The following CAMTA1 variants were observed in gnomAD, a reference collection of about 807,000 sequenced individuals.
CAMTA1 encodes calmodulin-binding transcription activator 1.
Under a neutral mutation model 170.9 loss-of-function variants are expected in CAMTA1, and 27 were observed. The ratio of observed to expected loss-of-function variants is 0.16; its 90% confidence interval spans 0.12 to 0.22. CAMTA1 has a LOEUF of 0.22. Ranked by LOEUF, CAMTA1 falls within the 10% of genes least tolerant of loss-of-function variation. The pLI, the probability that CAMTA1 is intolerant of heterozygous loss-of-function variation, is 1.00. For synonymous variants in CAMTA1, 833 were observed against 891.5 expected (o/e 0.93, Z 1.17); for missense variants, 1,619 against 2,217.2 (o/e 0.73, Z 5.42).
In CAMTA1 at chr1:7,534,686, G is replaced by A. The variant is rs1311437813; in HGVS notation, c.510+66785G>A. ...GGACGTTCGGGCCGAGGGGAGCTGAGGCCACGGCGGGGACTCCTCACTCCT... is the reference window on the plus strand; with the variant it reads ...GGACGTTCGGGCCGAGGGGAGCTGAAGCCACGGCGGGGACTCCTCACTCCT... On this transcript the variant is annotated intron_variant, in intron 6 of 22. Coordinates refer to ENST00000303635, the MANE Select transcript of CAMTA1 (RefSeq NM_015215.4). The surrounding 1 kb of genome is among the most constrained non-coding windows in gnomAD (Gnocchi z 5.6). 1.3e-5 allele frequency among the ~76,000 whole-genome samples: 2 copies of A among 152,184 alleles called. No homozygotes were observed. Among genetic ancestry groups the A allele is most frequent in the African/African-American group, 2.4e-5 (1 of 41,458 alleles).
Position 6,965,613 on chromosome 1 carries a change from G to A in CAMTA1, c.235-125691G>A, listed in dbSNP as rs978841513. Among the ~76,000 whole-genome samples, 3 of 152,232 alleles carry A rather than the reference G, an allele frequency of 2.0e-5. No homozygotes were observed. In the East Asian group the frequency reaches 5.8e-4, roughly 29 times the overall value. ...CTAAAGGAAAAAAAATGGACGTGCC[G>A]CCTGTTAGCTAATCAACAGTGAGGA... On this transcript the variant is annotated intron_variant, in intron 3 of 22. Coordinates refer to ENST00000303635, the MANE Select transcript of CAMTA1 (RefSeq NM_015215.4). This position sits in a 1 kb window ranked among gnomAD's most constrained non-coding sequence, Gnocchi z 4.1.
rs1201034950 is a variant in CAMTA1, at chr1:7,613,778, G to A, written c.511-26622G>A. Among the ~76,000 whole-genome samples, 7 of 150,834 alleles carry A rather than the reference G, an allele frequency of 4.6e-5. 1 individual carries two copies. The highest frequency in any genetic ancestry group is 1.7e-4 in the African/African-American group (7 of 40,926). On this transcript the variant is annotated intron_variant, in intron 6 of 22. Coordinates refer to ENST00000303635, the MANE Select transcript of CAMTA1 (RefSeq NM_015215.4). ...TAGGGGGAGCAGGCGGGACCTGGAG[G>A]GGTGGGTGGGAGCAGAGCGATGGGT...
At chr1:6,932,309 A>C (rs1571834939) in intron 3 of CAMTA1, among the ~76,000 whole-genome samples, 1 of 152,158 alleles carries the variant, frequency 6.6e-6, no homozygotes, top group South Asian at 2.1e-4. Context: ...GGCTCCTTTC[A>C]GCATAATTAT....
At position 7,420,312 on chromosome 1, in the gene CAMTA1, C is replaced by T. The variant is rs552499705; in HGVS notation, c.439-47518C>T. Reference sequence around the variant, plus strand: ...CGGAGAGACCTTTCCAGACCTGCTGCCCAGTGCCCTGCTCCTTGCTCTGTC... The same window carrying T: ...CGGAGAGACCTTTCCAGACCTGCTGTCCAGTGCCCTGCTCCTTGCTCTGTC... On this transcript the variant is annotated intron_variant, in intron 5 of 22. Coordinates refer to ENST00000303635, the MANE Select transcript of CAMTA1 (RefSeq NM_015215.4). 2.4e-4 allele frequency among the ~76,000 whole-genome samples: 36 copies of T among 152,260 alleles called. 1 individual carries two copies. Among genetic ancestry groups the T allele is most frequent in the Admixed American group, 2.1e-3 (32 of 15,308 alleles).
chr1:7,377,529 A>G (rs1465532231), intron 5 of CAMTA1, among the ~76,000 whole-genome samples: 1 of 152,204 alleles, frequency 6.6e-6, no homozygotes, highest in Non-Finnish European at 1.5e-5. Flanking sequence ...AAAAAGTCCG[A>G]GGTTTCGCTC....
rs908647297 is a variant in CAMTA1, at chr1:7,633,296, G to A, written c.511-7104G>A. ...CAGGGCCCTGGGAGTCTGGAACTGG[G>A]GAGGTCAGCAGCTCCAAATGCATTT... On this transcript the variant is annotated intron_variant, in intron 6 of 22. Transcript: ENST00000303635. The surrounding 1 kb of genome is among the most constrained non-coding windows in gnomAD (Gnocchi z 4.1). 4.6e-5 allele frequency among the ~76,000 whole-genome samples: 7 copies of A among 152,226 alleles called. No individual in the cohort carries two copies. The highest frequency in any genetic ancestry group is 1.7e-4 in the African/African-American group (7 of 41,454).
chr1:6,995,930 G>GCCTGGTA (rs1281946588), intron 3 of CAMTA1, among the ~76,000 whole-genome samples: 1 of 152,230 alleles, frequency 6.6e-6, no homozygotes, highest in African/African-American at 2.4e-5. Context: ...GTCTCTTGCT[G>GCCTGGTA]CCTGGTACCT....
chr1:6,905,188 C>CTTTTTTTTTTTTTTTTTTTTTTTTTTTTT (rs34960802), intron 3 of CAMTA1, among the ~76,000 whole-genome samples: 1 of 109,924 alleles, frequency 9.1e-6, no homozygotes, highest in Non-Finnish European at 1.8e-5. Context: ...TGCCTTGTTC[C>CTTTTTTTTTTTTTTTTTTTTTTTTTTTTT]TTTTTTTTTT....
intron 11 of CAMTA1, among the ~76,000 whole-genome samples, chr1:7,686,584 G>T (rs1180779194): frequency 6.6e-6 from 1 of 152,128 alleles, no homozygotes; most frequent in Admixed American, 6.5e-5. Context: ...AGAGTAGGGG[G>T]CTGGGCTTTT....
At chr1:7,017,227 C>T (rs1048473234) in intron 3 of CAMTA1, among the ~76,000 whole-genome samples, 23 of 152,216 alleles carry the variant, frequency 1.5e-4, no homozygotes, top group Admixed American at 1.5e-3. Context: ...GATGCTGGCT[C>T]TGATGGGCCT....
intron 4 of CAMTA1, among the ~76,000 whole-genome samples, chr1:7,245,743 G>C (rs1665661240): frequency 6.6e-6 from 1 of 150,720 alleles, no homozygotes; most frequent in South Asian, 2.1e-4. Context: ...CCCTGTGGCT[G>C]TCTCACACCA....
intron 5 of CAMTA1, among the ~76,000 whole-genome samples, chr1:7,419,458 C>A (rs183096555): frequency 6.6e-6 from 1 of 152,256 alleles, no homozygotes; most frequent in Non-Finnish European, 1.5e-5. Flanking sequence ...TGCCCAGCCC[C>A]AATCTCCTTG....
intron 5 of CAMTA1, among the ~76,000 whole-genome samples, chr1:7,454,601 C>T (rs969278648): frequency 4.6e-5 from 7 of 152,304 alleles, no homozygotes; most frequent in South Asian, 2.1e-4. Flanking sequence ...CCAGGCACCC[C>T]GACCTCCATC....
intron 4 of CAMTA1, among the ~76,000 whole-genome samples, chr1:7,107,265 T>C (rs1253408145): frequency 1.1e-5 from 1 of 92,270 alleles, no homozygotes; most frequent in African/African-American, 4.9e-5. Flanking sequence ...TGTGCATGTG[T>C]ATGTGTGTGT....
chr1:7,632,465 G>A (rs1342962105), intron 6 of CAMTA1, among the ~76,000 whole-genome samples: 1 of 152,214 alleles, frequency 6.6e-6, no homozygotes, highest in Non-Finnish European at 1.5e-5. Context: ...GAAACGGAAC[G>A]CCATGCCACT....
chr1:7,400,660 T>G (rs1331367321), intron 5 of CAMTA1, among the ~76,000 whole-genome samples: 1 of 152,230 alleles, frequency 6.6e-6, no homozygotes, highest in African/African-American at 2.4e-5. Context: ...TCTTCAGATA[T>G]GTCCTAGAGT....
intron 3 of CAMTA1, among the ~76,000 whole-genome samples, chr1:6,899,944 G>A (rs1007632847): frequency 6.6e-6 from 1 of 152,200 alleles, no homozygotes; most frequent in Non-Finnish European, 1.5e-5. Flanking sequence ...TGCCAACACT[G>A]TGCGTGTTTG....
chr1:7,675,890 C>T (rs6661392), intron 10 of CAMTA1, among the ~76,000 whole-genome samples: 46,694 of 152,120 alleles, frequency 0.31, 7,811 homozygotes, highest in Non-Finnish European at 0.37. Context: ...CCCTCTGCTC[C>T]GTCTCTCTGG....
chr1:6,897,275 G>C (rs1675845312), intron 3 of CAMTA1, among the ~76,000 whole-genome samples: 1 of 152,152 alleles, frequency 6.6e-6, no homozygotes, highest in African/African-American at 2.4e-5. Flanking sequence ...AATGGGTTTT[G>C]ACCAACATAT....
Sources: gnomAD v4.1 joint callset for allele counts (sites outside exome capture counted in the v4.1 genomes callset) on GRCh38, gnomAD v4.1.1 for gene constraint, Gnocchi (gnomAD v3.1) non-coding constraint, MANE v1.5 for transcripts, NCBI Gene and HGNC (gene_info 2026-07-23, HGNC 2026-07-21) for gene names.